Variants in SAMD5 observed in about 807,000 individuals in gnomAD.
The protein encoded by SAMD5 is sterile alpha motif domain-containing protein 5.
Under a neutral mutation model 11.3 loss-of-function variants are expected in SAMD5, and 13 were observed. That is an observed-to-expected ratio of 1.15 (90% CI 0.75 to 1.83). The LOEUF is 1.83. Among genes scored for constraint, SAMD5 ranks in the 40% most tolerant of loss-of-function variants. The pLI, the probability that SAMD5 is intolerant of heterozygous loss-of-function variation, is 0.00. For missense variants in SAMD5, 255 were observed against 239.1 expected, an observed-to-expected ratio of 1.07 and a Z score of -0.44; for synonymous variants, 129 against 111.3, an observed-to-expected ratio of 1.16 and a Z score of -1.00.
chr6:147,596,315 C>T (rs757680144), intron 1 of SAMD5, among the ~76,000 whole-genome samples: 3 of 152,122 alleles, frequency 2.0e-5, no homozygotes, highest in Non-Finnish European at 4.4e-5. Context: ...TCAGTGCCTT[C>T]GATACTGTAA....
At chr6:147,770,261 T>A in the SAMD5 span, among the ~76,000 whole-genome samples, 107,675 of 150,462 alleles carry the variant, frequency 0.72, 38,724 homozygotes, top group African/African-American at 0.75. Flanking sequence ...TTAATTTTTT[T>A]TAAAAAAAAT....
intron 1 of SAMD5, among the ~76,000 whole-genome samples, chr6:147,690,654 A>G (rs1044361049): frequency 1.6e-4 from 25 of 152,152 alleles, no homozygotes; most frequent in African/African-American, 6.0e-4. Flanking sequence ...CTCAAAAAAT[A>G]AATAAATAAA....
chr6:147,623,609 C>A (rs1367552257), intron 1 of SAMD5, among the ~76,000 whole-genome samples: 9 of 152,148 alleles, frequency 5.9e-5, no homozygotes, highest in Non-Finnish European at 8.8e-5. Flanking sequence ...TAATATAACC[C>A]AGCAGATACT....
In SAMD5 at chr6:147,711,956, T is replaced by C. The variant is rs1444501213; in HGVS notation, c.163-25361T>C. Among the ~76,000 whole-genome samples, 4 of 152,198 alleles carry C rather than the reference T, an allele frequency of 2.6e-5. No individual in the cohort carries two copies. The highest frequency in any genetic ancestry group is 9.6e-5 in the African/African-American group (4 of 41,452). On this transcript the variant is annotated intron_variant, in intron 1 of 1. Transcript: ENST00000566741. The surrounding 1 kb of genome is among the most constrained non-coding windows in gnomAD (Gnocchi z 4.1). ...AAGCTAAGATGTATCTTCAGTACCT[T>C]GGGACAAAGAAATGAGCATTTTCTT... is the stretch of plus-strand genomic sequence containing the variant.
the SAMD5 span, among the ~76,000 whole-genome samples, chr6:147,801,993 A>G: frequency 1.3e-5 from 2 of 152,178 alleles, 1 homozygote; most frequent in South Asian, 4.1e-4. Context: ...TATGTTCATG[A>G]CCTTGGGACA....
chr6:147,802,066 T>G, the SAMD5 span, among the ~76,000 whole-genome samples: 2 of 152,152 alleles, frequency 1.3e-5, no homozygotes, highest in East Asian at 3.9e-4. Flanking sequence ...AAACTAAATT[T>G]TATCAAAATT....
At chr6:147,904,837 TTCA>T in the SAMD5 span, among the ~76,000 whole-genome samples, 1 of 152,154 alleles carries the variant, frequency 6.6e-6, no homozygotes, top group Non-Finnish European at 1.5e-5. Context: ...TGTGATATTC[TTCA>T]TTAGAACATA....
At chr6:147,614,936 C>T (rs910182976) in intron 1 of SAMD5, among the ~76,000 whole-genome samples, 11 of 151,774 alleles carry the variant, frequency 7.2e-5, no homozygotes, top group African/African-American at 2.7e-4. Context: ...TCTACAACAT[C>T]TTTCTTGTCA....
the SAMD5 span, among the ~76,000 whole-genome samples, chr6:147,754,347 C>T: frequency 1.4e-4 from 18 of 130,662 alleles, no homozygotes; most frequent in Non-Finnish European, 1.6e-4. Context: ...ATTTGTATGT[C>T]TTTTTTTTTT....
intron 1 of SAMD5, among the ~76,000 whole-genome samples, chr6:147,620,238 C>A (rs763563450): frequency 2.0e-5 from 3 of 152,148 alleles, no homozygotes; most frequent in African/African-American, 2.4e-5. Flanking sequence ...CACTGGCCTG[C>A]ACAGCGCCCT....
At chr6:147,715,516 A>G (rs1791453589) in intron 1 of SAMD5, among the ~76,000 whole-genome samples, 1 of 151,686 alleles carries the variant, frequency 6.6e-6, no homozygotes, top group Non-Finnish European at 1.5e-5. Flanking sequence ...TGCCTTGTTC[A>G]GGGAGCTCCT....
At chr6:147,572,058 G>A (rs1293909833), downstream of SAMD5, among the ~76,000 whole-genome samples, 1 of 151,568 alleles carries the variant, frequency 6.6e-6, no homozygotes, top group Non-Finnish European at 1.5e-5. Context: ...TTCCCCACTT[G>A]GTGCTTCCCT....
At chr6:147,876,458 G>A in the SAMD5 span, among the ~76,000 whole-genome samples, 1 of 152,190 alleles carries the variant, frequency 6.6e-6, no homozygotes, top group Admixed American at 6.5e-5. Context: ...CAAGAAGTTT[G>A]TATTTTCATA....
At chr6:147,796,315 A>G in the SAMD5 span, among the ~76,000 whole-genome samples, 1 of 151,984 alleles carries the variant, frequency 6.6e-6, no homozygotes, top group South Asian at 2.1e-4. Context: ...ACCATTTATT[A>G]AATAGGGAAT....
chr6:147,636,307 T>C lies in SAMD5; in HGVS notation c.163-101010T>C, dbSNP rs149454957. Among the ~76,000 whole-genome samples the C allele has an allele frequency of 1.6e-3, 240 of 152,272 alleles. 4 individuals carry two copies. Among genetic ancestry groups the C allele is most frequent in the Non-Finnish European group, 3.5e-4 (24 of 68,030 alleles). The stretch of plus-strand genomic sequence containing the variant: ...TAATTCTGTAATAACTAGAATTTAA[T>C]TCCTCCAAACACCAAGAAATGCCAT... On this transcript the variant is annotated intron_variant, in intron 1 of 1. Coordinates refer to the SAMD5 transcript ENST00000566741.
At chr6:147,783,355 T>C in the SAMD5 span, among the ~76,000 whole-genome samples, 7 of 148,648 alleles carry the variant, frequency 4.7e-5, no homozygotes, top group Admixed American at 4.7e-4. Context: ...TACTCCTTTG[T>C]GAAATTTTCA....
At chr6:147,751,875 A>G in the SAMD5 span, among the ~76,000 whole-genome samples, 2 of 152,164 alleles carry the variant, frequency 1.3e-5, no homozygotes, top group African/African-American at 4.8e-5. Context: ...GGAAATACAA[A>G]CGTATATAAT....
intron 1 of SAMD5, among the ~76,000 whole-genome samples, chr6:147,729,373 T>C (rs1012692641): frequency 2.0e-5 from 3 of 152,204 alleles, no homozygotes; most frequent in Non-Finnish European, 4.4e-5. Context: ...TAAGACAAGA[T>C]TGACCTTGCA....
In SAMD5 at chr6:147,565,441, G is replaced by C; in HGVS notation, c.*985G>C. ...TTTTTCTAATTCTTATCGTCTTATC[G>C]TTCTTGTGTTTGGATGCTGGTAGTT... On this transcript the variant is annotated 3_prime_UTR_variant, in exon 2 of 2. Transcript: ENST00000367474. 1.0e-6 allele frequency: 1 copy of C among 979,602 alleles called. No homozygotes were observed. The highest frequency in any genetic ancestry group is 1.2e-6 in the Non-Finnish European group (1 of 826,356). 60.7% of individuals were successfully genotyped at this position (979,602 alleles called of 1,614,324 possible).
Sources: allele counts gnomAD v4.1 joint callset (sites outside exome capture counted in the v4.1 genomes callset), GRCh38; gene constraint gnomAD v4.1.1; non-coding constraint Gnocchi (gnomAD v3.1); transcripts MANE v1.5; gene names NCBI Gene and HGNC (gene_info 2026-07-23, HGNC 2026-07-21).